Variants in NXPE4 observed in about 807,000 individuals in gnomAD.
NXPE4 encodes neurexophilin and PC-esterase domain family member 4.
Under a neutral mutation model 33.3 loss-of-function variants are expected in NXPE4, and 42 were observed. That is an observed-to-expected ratio of 1.26 (90% CI 0.98 to 1.63). The LOEUF is 1.63. NXPE4 is among the 40% of genes most tolerant of loss of function. The pLI is 0.00. For synonymous variants in NXPE4, 253 were observed against 234.9 expected (o/e 1.08, Z -0.71); for missense variants, 709 against 647.6 (o/e 1.09, Z -1.03).
the NXPE4 span, among the ~76,000 whole-genome samples, chr11:114,668,570 T>C: frequency 6.6e-6 from 1 of 152,032 alleles, no homozygotes; most frequent in African/African-American, 2.4e-5. Context: ...GTTAGAGTTC[T>C]CCAGATAAAC....
Position 114,570,922 on chromosome 11 carries a change from CA to C in NXPE4, c.*15del. 6.5e-7 allele frequency: 1 copy of C among 1,529,630 alleles called. No homozygotes were observed. The highest frequency in any genetic ancestry group is 2.4e-5 in the East Asian group (1 of 41,744). 94.8% of individuals were successfully genotyped at this position (1,529,630 alleles called of 1,614,324 possible). Reference sequence around the variant, plus strand: ...TTTTTTTACTTAAGTGAATGAATTTCAGACTTTTGTGTTATTTAACAAATAT... The same window carrying C: ...TTTTTTTACTTAAGTGAATGAATTTCGACTTTTGTGTTATTTAACAAATAT... On this transcript the variant is annotated 3_prime_UTR_variant, in exon 6 of 6. Transcript: ENST00000375478.
At chr11:114,593,802 G>T (rs1469761692) in intron 2 of NXPE4, among the ~76,000 whole-genome samples, 1 of 152,000 alleles carries the variant, frequency 6.6e-6, no homozygotes, top group Non-Finnish European at 1.5e-5. Context: ...AATACATAAA[G>T]AAAATATGGT....
At chr11:114,612,457 G>A in the NXPE4 span, among the ~76,000 whole-genome samples, 3 of 150,778 alleles carry the variant, frequency 2.0e-5, no homozygotes, top group African/African-American at 7.3e-5. Context: ...CTACCTGATG[G>A]ATAAGTGTTG....
the NXPE4 span, among the ~76,000 whole-genome samples, chr11:114,612,443 A>T: frequency 6.6e-6 from 1 of 151,830 alleles, no homozygotes; most frequent in African/African-American, 2.4e-5. Context: ...GTGGGTCACC[A>T]CTGCTACCTG....
the NXPE4 span, among the ~76,000 whole-genome samples, chr11:114,664,415 T>A: frequency 1.3e-5 from 2 of 152,100 alleles, no homozygotes; most frequent in African/African-American, 4.8e-5. Flanking sequence ...ATTGTGGTGG[T>A]AGTTACATTA....
At chr11:114,620,599 C>T in the NXPE4 span, among the ~76,000 whole-genome samples, 1 of 151,992 alleles carries the variant, frequency 6.6e-6, no homozygotes, top group Non-Finnish European at 1.5e-5. Flanking sequence ...TCTAGGGTAA[C>T]CACTGTTACG....
At chr11:114,665,189 A>T in the NXPE4 span, among the ~76,000 whole-genome samples, 1 of 152,142 alleles carries the variant, frequency 6.6e-6, no homozygotes, top group African/African-American at 2.4e-5. Context: ...ATCTTAGCAA[A>T]ATACAGAAAG....
chr11:114,625,948 G>A, the NXPE4 span, among the ~76,000 whole-genome samples: 5 of 152,108 alleles, frequency 3.3e-5, no homozygotes, highest in African/African-American at 7.2e-5. Flanking sequence ...ACTCCCACCC[G>A]AATACTGCAC....
chr11:114,589,869 A>G (rs1429827762), intron 2 of NXPE4, among the ~76,000 whole-genome samples: 5 of 152,198 alleles, frequency 3.3e-5, no homozygotes, highest in Admixed American at 1.3e-4. Context: ...CCAATGCAGA[A>G]TGGAGATTCA....
chr11:114,589,443 A>G (rs952135076), intron 2 of NXPE4, among the ~76,000 whole-genome samples: 1 of 152,160 alleles, frequency 6.6e-6, no homozygotes, highest in African/African-American at 2.4e-5. Context: ...GGGGTGTCTC[A>G]TAAACACTCT....
the NXPE4 span, among the ~76,000 whole-genome samples, chr11:114,606,892 T>TA: frequency 6.6e-6 from 1 of 151,856 alleles, no homozygotes. Flanking sequence ...GCCTCATGGG[T>TA]AACCACTGTT....
the NXPE4 span, among the ~76,000 whole-genome samples, chr11:114,648,416 C>T: frequency 3.3e-5 from 5 of 152,216 alleles, no homozygotes; most frequent in South Asian, 2.1e-4. Context: ...TCTTACTCAG[C>T]GGAGGGTCAG....
chr11:114,657,338 G>C, the NXPE4 span, among the ~76,000 whole-genome samples: 1 of 152,090 alleles, frequency 6.6e-6, no homozygotes, highest in Non-Finnish European at 1.5e-5. Context: ...ACTTAGGTGG[G>C]AAAAAGATTA....
At chr11:114,580,521 T>C (rs578116434) in intron 4 of NXPE4, among the ~76,000 whole-genome samples, 183 bp from the exon 5 acceptor site, 2 of 152,296 alleles carry the variant, frequency 1.3e-5, no homozygotes, top group East Asian at 3.9e-4. Flanking sequence ...TTTTCTCTGA[T>C]GTGAATTTCC....
At chr11:114,589,016 G>T (rs1465770488) in intron 2 of NXPE4, among the ~76,000 whole-genome samples, 1 of 152,204 alleles carries the variant, frequency 6.6e-6, no homozygotes, top group African/African-American at 2.4e-5. Flanking sequence ...AAACACAAGA[G>T]AAGGACTGAG....
chr11:114,611,379 C>T, the NXPE4 span, among the ~76,000 whole-genome samples: 2 of 151,948 alleles, frequency 1.3e-5, no homozygotes, highest in Middle Eastern at 3.4e-3. Context: ...ATAAGTGTTG[C>T]CTCGTGGGTA....
the NXPE4 span, among the ~76,000 whole-genome samples, chr11:114,641,592 C>T: frequency 6.6e-6 from 1 of 151,878 alleles, no homozygotes; most frequent in Non-Finnish European, 1.5e-5. Context: ...GTGTCCAAGT[C>T]AAGAATAGGA....
At chr11:114,578,732 G>GT (rs1949069757) in intron 5 of NXPE4, among the ~76,000 whole-genome samples, 1 of 152,166 alleles carries the variant, frequency 6.6e-6, no homozygotes, top group Admixed American at 6.6e-5. Context: ...GACAATAATG[G>GT]TTTTGTAGGT....
At chr11:114,648,688 A>G in the NXPE4 span, among the ~76,000 whole-genome samples, 1 of 152,218 alleles carries the variant, frequency 6.6e-6, no homozygotes, top group South Asian at 2.1e-4. Context: ...AAATGAAGAC[A>G]ATGACAAGGT....
Sources: allele counts gnomAD v4.1 joint callset (sites outside exome capture counted in the v4.1 genomes callset), GRCh38; gene constraint gnomAD v4.1.1; transcripts MANE v1.5; gene names NCBI Gene and HGNC (gene_info 2026-07-23, HGNC 2026-07-21).